The following RRP15 variants were observed in gnomAD, a reference collection of about 807,000 sequenced individuals.
RRP15 encodes the protein RRP15-like protein.
RRP15 carries 18 observed loss-of-function variants against 27.1 expected under a neutral mutation model. The ratio of observed to expected loss-of-function variants is 0.66; its 90% CI spans 0.46 to 0.98. The LOEUF (loss-of-function observed/expected upper bound fraction) is 0.98, where lower values mean the gene tolerates loss of function less well. Ranked by LOEUF, RRP15 falls within the 50% of genes least tolerant of loss-of-function variation. The pLI is 0.00. For missense variants in RRP15, 359 were observed against 337.8 expected, an observed-to-expected ratio of 1.06 and a Z score of -0.49; for synonymous variants, 107 against 109.4, an observed-to-expected ratio of 0.98 and a Z score of 0.14.
At chr1:218,287,529 T>A (rs1184239517) in intron 1 of RRP15, among the ~76,000 whole-genome samples, 1 of 152,190 alleles carries the variant, frequency 6.6e-6, no homozygotes. Flanking sequence ...AGGATGAATA[T>A]ATTTCTGCAT....
intron 4 of RRP15, among the ~76,000 whole-genome samples, chr1:218,318,326 TAA>T (rs957904945): frequency 1.3e-5 from 2 of 152,226 alleles, no homozygotes; most frequent in Non-Finnish European, 2.9e-5. Context: ...AGAATTCAAT[TAA>T]GTCTCACCTA....
chr1:218,294,801 C>G (rs1394706315), intron 1 of RRP15, among the ~76,000 whole-genome samples: 1 of 152,178 alleles, frequency 6.6e-6, no homozygotes, highest in Non-Finnish European at 1.5e-5. Flanking sequence ...CTTGGTGCAT[C>G]TGGTGACCAG....
chr1:218,292,688 T>C lies in RRP15; in HGVS notation c.139+7233T>C, dbSNP rs1203477031. 7.2e-5 allele frequency among the ~76,000 whole-genome samples: 11 copies of C among 152,242 alleles called. No homozygotes were observed. In the East Asian group the frequency reaches 2.1e-3, roughly 29 times the overall value. On this transcript the variant is annotated intron_variant, in intron 1 of 4. Transcript: ENST00000366932. ...ACAGTGATTGACTGACTGAATCTCC[T>C]TGTAAACTGGCAACAGTCTGCATAC...
chr1:218,286,380 T>C (rs1655549354), intron 1 of RRP15, among the ~76,000 whole-genome samples: 1 of 152,092 alleles, frequency 6.6e-6, no homozygotes, highest in African/African-American at 2.4e-5. Flanking sequence ...CACACCATGG[T>C]TTCTTCATTT....
At chr1:218,312,683 A>T (rs1169628894) in intron 4 of RRP15, among the ~76,000 whole-genome samples, 1 of 152,170 alleles carries the variant, frequency 6.6e-6, no homozygotes, top group Non-Finnish European at 1.5e-5. Flanking sequence ...AAATTAGAAA[A>T]TCGTAAAGTT....
intron 1 of RRP15, among the ~76,000 whole-genome samples, chr1:218,300,804 G>C (rs1233707170): frequency 6.6e-6 from 1 of 152,142 alleles, no homozygotes; most frequent in Non-Finnish European, 1.5e-5. Context: ...GCTTGGCTTT[G>C]GTAAGGGTAA....
intron 4 of RRP15, among the ~76,000 whole-genome samples, chr1:218,315,803 G>T (rs891234620): frequency 6.6e-6 from 1 of 152,066 alleles, no homozygotes; most frequent in Non-Finnish European, 1.5e-5. Flanking sequence ...CAGGCAAGGA[G>T]GTAGAGAAAG....
At chr1:218,316,137 T>G (rs1656086544) in intron 4 of RRP15, among the ~76,000 whole-genome samples, 1 of 152,210 alleles carries the variant, frequency 6.6e-6, no homozygotes, top group South Asian at 2.1e-4. Context: ...GAACTTAGGT[T>G]TGGCAATATG....
At position 218,336,209 on chromosome 1, in the gene RRP15, A is replaced by G. The variant is rs1656444965; in HGVS notation, c.*5118A>G. 1 of 152,458 alleles carries G rather than the reference A, an allele frequency of 6.6e-6. No homozygotes were observed. Among genetic ancestry groups the G allele is most frequent in the African/African-American group, 2.4e-5 (1 of 41,418 alleles). The allele number at this position is 152,458 out of a possible 1,614,324, so 9.4% of individuals were successfully genotyped here. ...TCCATTCTATTCTAGCATATACTCA[A>G]CATACTGCCAGAGCAAATGTAGGTT... is the stretch of plus-strand genomic sequence containing the variant. On this transcript the variant is annotated 3_prime_UTR_variant, in exon 5 of 5. Coordinates refer to ENST00000366932, the MANE Select transcript of RRP15 (RefSeq NM_016052.4).
At chr1:218,327,681 T>G (rs1656295497) in intron 4 of RRP15, among the ~76,000 whole-genome samples, 2 of 152,194 alleles carry the variant, frequency 1.3e-5, no homozygotes, top group Non-Finnish European at 2.9e-5. Context: ...TTAACAACAC[T>G]TGTTTTTATA....
At position 218,325,843 on chromosome 1, in the gene RRP15, C is replaced by T. The variant is rs190485105; in HGVS notation, c.706-5105C>T. On this transcript the variant is annotated intron_variant, in intron 4 of 4. Coordinates refer to ENST00000366932, the MANE Select transcript of RRP15 (RefSeq NM_016052.4). Reference sequence around the variant, plus strand: ...GCATACTGGGCCTCTTGGACTGGTTCTCCAGTTATCTTTTTCTTCCATTTT... The same window carrying T: ...GCATACTGGGCCTCTTGGACTGGTTTTCCAGTTATCTTTTTCTTCCATTTT... 3.3e-5 allele frequency among the ~76,000 whole-genome samples: 5 copies of T among 152,190 alleles called. No homozygotes were observed. In the East Asian group the frequency reaches 9.6e-4, roughly 29 times the overall value.
chr1:218,309,651 C>T (rs1028009329), intron 4 of RRP15, among the ~76,000 whole-genome samples: 4 of 139,734 alleles, frequency 2.9e-5, no homozygotes, highest in Admixed American at 7.4e-5. Flanking sequence ...CCACTGCACT[C>T]CAGCCTGGGT....
chr1:218,305,218 T>C (rs1655880440), intron 3 of RRP15, 93 bp downstream of exon 3: 3 of 902,642 alleles, frequency 3.3e-6, no homozygotes, highest in East Asian at 2.6e-5. Flanking sequence ...AAGCTCAGCC[T>C]TCTCAGAGCC....
intron 4 of RRP15, among the ~76,000 whole-genome samples, chr1:218,324,482 C>T (rs570175525): frequency 1.3e-5 from 2 of 152,324 alleles, no homozygotes; most frequent in East Asian, 3.9e-4. Context: ...ACAAGGGTTC[C>T]AGCGCCGCCA....
At position 218,307,106 on chromosome 1, in the gene RRP15, C is replaced by A. The variant is rs146420325; in HGVS notation, c.504-325C>A. Among the ~76,000 whole-genome samples, 786 of 152,298 alleles carry A rather than the reference C, an allele frequency of 5.2e-3. 22 individuals are homozygous for A. Among genetic ancestry groups the A allele is most frequent in the Admixed American group, 0.046 (711 of 15,304 alleles). ...GAGTTGCAGATAACGTAGCTAAATACTTTTTAAGCTACTGAGGCATTATTT... is the reference window on the plus strand; with the variant it reads ...GAGTTGCAGATAACGTAGCTAAATAATTTTTAAGCTACTGAGGCATTATTT... On this transcript the variant is annotated intron_variant, in intron 3 of 4. Coordinates refer to ENST00000366932, the MANE Select transcript of RRP15 (RefSeq NM_016052.4).
Position 218,302,513 on chromosome 1 carries a change from A to T in RRP15, c.359A>T (p.Lys120Met). Residue 120 changes from lysine to methionine, a missense_variant, in exon 2 of 5, where the codon AAG (lysine) becomes ATG (methionine). Physicochemically the swap from Lys to Met is moderately conservative, Grantham distance 95. Transcript: ENST00000366932. ...CTGGTCAAAAATAAGAAGCTGGAAA[A>T]GGAAAAAGAAAAGTTAAAGCAAGAA... is the stretch of plus-strand genomic sequence containing the variant. The part of the protein sequence containing the change: ...TILVKNKKLE[K>M]EKEKLKQERL... 1.2e-6 allele frequency: 2 copies of T among 1,613,448 alleles called. No homozygotes were observed. Among genetic ancestry groups the T allele is most frequent in the Non-Finnish European group, 1.7e-6 (2 of 1,179,838 alleles).
intron 4 of RRP15, among the ~76,000 whole-genome samples, chr1:218,325,320 A>G (rs1202189279): frequency 6.6e-6 from 1 of 151,708 alleles, no homozygotes; most frequent in Non-Finnish European, 1.5e-5. Flanking sequence ...TGGGACTCCT[A>G]TTTTCTCTAT....
Position 218,303,960 on chromosome 1 carries a change from T to C in RRP15, c.406-1068T>C, listed in dbSNP as rs149061757. On this transcript the variant is annotated intron_variant, in intron 2 of 4. Coordinates refer to ENST00000366932, the MANE Select transcript of RRP15 (RefSeq NM_016052.4). ...TACATATTATCCTTTGAGTACGGAATATAATTAAGAATTGACTGTTTCAAA... is the reference window on the plus strand; with the variant it reads ...TACATATTATCCTTTGAGTACGGAACATAATTAAGAATTGACTGTTTCAAA... Among the ~76,000 whole-genome samples the C allele has an allele frequency of 1.9e-3, 297 of 152,310 alleles. 2 individuals carry two copies. Among genetic ancestry groups the C allele is most frequent in the African/African-American group, 6.7e-3 (279 of 41,556 alleles).
intron 1 of RRP15, among the ~76,000 whole-genome samples, chr1:218,296,527 T>A (rs1655721552): frequency 6.6e-6 from 1 of 151,770 alleles, no homozygotes; most frequent in African/African-American, 2.4e-5. Context: ...GTGCCTATAG[T>A]CCCAGCTACT....
Sources: gnomAD v4.1 joint callset for allele counts (sites outside exome capture counted in the v4.1 genomes callset) on GRCh38, gnomAD v4.1.1 for gene constraint, MANE v1.5 for transcripts, NCBI Gene and HGNC (gene_info 2026-07-23, HGNC 2026-07-21) for gene names.